GALNT11: variants seen among roughly 807,000 people sequenced by gnomAD.
GALNT11 encodes the protein UDP-GalNAc:polypeptide N-acetylgalactosaminyltransferase 11.
A neutral mutation model predicts 72.7 loss-of-function variants in GALNT11; 47 were observed. The observed-to-expected ratio is 0.65, with a 90% confidence interval of 0.51 to 0.82. The LOEUF is 0.82. Ranked by LOEUF, GALNT11 falls within the 40% of genes least tolerant of loss-of-function variation. GALNT11 has a pLI of 0.00. For missense variants in GALNT11, 677 were observed against 778.4 expected, an observed-to-expected ratio of 0.87 and a Z score of 1.55; for synonymous variants, 270 against 286.6, an observed-to-expected ratio of 0.94 and a Z score of 0.58.
chr7:152,090,810 A>C (rs1002995574), intron 1 of GALNT11, among the ~76,000 whole-genome samples: 4 of 151,916 alleles, frequency 2.6e-5, no homozygotes, highest in Non-Finnish European at 5.9e-5. Flanking sequence ...TTCCTGCTTT[A>C]TTTTCTTTCC....
Position 152,091,040 on chromosome 7 carries a change from TTTG to T in GALNT11, c.-38-3132_-38-3130del, listed in dbSNP as rs956414806. On this transcript the variant is annotated intron_variant, in intron 1 of 11. Transcript: ENST00000430044. ...CAGGGTTGTGGTTGGAGAGGGAGTT[TTTG>T]TTGTTGTTGTTGTTGTTTTTTTCAT... Among the ~76,000 whole-genome samples, 8 of 151,314 alleles carry T rather than the reference TTTG, an allele frequency of 5.3e-5. No individual in the cohort carries two copies. In the South Asian group the frequency reaches 8.4e-4, roughly 16 times the overall value.
rs781234197 is a variant in GALNT11, at chr7:152,113,383, G to C, written c.1218G>C (p.Trp406Cys). Reference sequence around the variant, plus strand: ...ACTCTTTGCGGCTGGCACATGTCTGGTTGGATGAATACAAGGTGAGATGAA... The same window carrying C: ...ACTCTTTGCGGCTGGCACATGTCTGCTTGGATGAATACAAGGTGAGATGAA... ...THNSLRLAHV[W>C]LDEYKEQYFS... Residue 406 changes from tryptophan to cysteine, a missense_variant, in exon 8 of 12, where the codon TGG becomes TGC. By Grantham distance (215) the Trp-to-Cys change is radical. Coordinates refer to ENST00000430044, the MANE Select transcript of GALNT11 (RefSeq NM_022087.4). The C allele has an allele frequency of 6.2e-7, 1 of 1,613,826 alleles. No individual in the cohort carries two copies. The highest frequency in any genetic ancestry group is 8.5e-7 in the Non-Finnish European group (1 of 1,179,908).
intron 1 of GALNT11, among the ~76,000 whole-genome samples, chr7:152,044,333 C>G (rs1010192267): frequency 1.3e-5 from 2 of 152,184 alleles, no homozygotes; most frequent in Non-Finnish European, 2.9e-5. Flanking sequence ...CTCGCTCATG[C>G]TATTGTTTGT....
intron 8 of GALNT11, among the ~76,000 whole-genome samples, chr7:152,114,006 C>G (rs909951078): frequency 2.0e-5 from 3 of 151,668 alleles, no homozygotes; most frequent in Non-Finnish European, 4.4e-5. Flanking sequence ...TCAAAAGATC[C>G]TCCTGCCTTG....
At chr7:152,042,865 A>G (rs1473824999) in intron 1 of GALNT11, among the ~76,000 whole-genome samples, 1 of 152,174 alleles carries the variant, frequency 6.6e-6, no homozygotes, top group African/African-American at 2.4e-5. Flanking sequence ...TAGGGGCTTT[A>G]CCACTCCAAC....
At chr7:152,029,584 A>G (rs995015995) in intron 1 of GALNT11, among the ~76,000 whole-genome samples, 7 of 152,244 alleles carry the variant, frequency 4.6e-5, no homozygotes, top group Admixed American at 2.6e-4. Context: ...TTCAGTCCAT[A>G]TTAACTTAGA....
At position 152,110,593 on chromosome 7, in the gene GALNT11, A is replaced by G; in HGVS notation, c.1028A>G (p.Tyr343Cys). Residue 343 changes from tyrosine (Y) to cysteine (C), a missense_variant, in exon 7 of 12, where the codon TAT becomes TGT. Coordinates refer to ENST00000430044, the MANE Select transcript of GALNT11 (RefSeq NM_022087.4). ...NRQYFHELGQ[Y>C]DSGMDIWGGE... is the part of the protein sequence containing the mutation. ...CAGTATTTCCATGAACTTGGACAGT[A>G]TGATAGTGGCATGGATATCTGGGGA... The G allele has an allele frequency of 6.2e-7, 1 of 1,612,898 alleles. No individual in the cohort carries two copies. The highest frequency in any genetic ancestry group is 1.1e-5 in the South Asian group (1 of 90,464).
At chr7:152,091,276 T>C (rs891816805) in intron 1 of GALNT11, among the ~76,000 whole-genome samples, 2 of 151,788 alleles carry the variant, frequency 1.3e-5, no homozygotes, top group African/African-American at 2.4e-5. Flanking sequence ...AGTCTCGCAT[T>C]GTCACCCCGG....
Position 152,110,564 on chromosome 7 carries a change from C to T in GALNT11, c.999C>T (p.Asn333=), listed in dbSNP as rs140833000. 23 of 1,613,356 alleles carry T rather than the reference C, an allele frequency of 1.4e-5. No individual in the cohort carries two copies. Among genetic ancestry groups the T allele is most frequent in the Admixed American group, 3.3e-5 (2 of 59,866 alleles). ...TGGCTGGAGGTTTGTTTGCCATGAA[C>T]AGACAGTATTTCCATGAACTTGGAC... is the stretch of plus-strand genomic sequence containing the variant. ...PTMAGGLFAM[N]RQYFHELGQY... Residue 333 remains asparagine (N), a synonymous_variant, in exon 7 of 12, where the codon AAC becomes AAT. Transcript: ENST00000430044.
intron 1 of GALNT11, among the ~76,000 whole-genome samples, chr7:152,082,007 ATTTAT>A (rs2085353208): frequency 6.6e-6 from 1 of 152,154 alleles, no homozygotes; most frequent in African/African-American, 2.4e-5. Flanking sequence ...GGACAATGGG[ATTTAT>A]TTTAGCCTTT....
chr7:152,098,642 T>G (rs890630173), intron 2 of GALNT11, among the ~76,000 whole-genome samples: 3 of 152,172 alleles, frequency 2.0e-5, no homozygotes, highest in African/African-American at 7.2e-5. Flanking sequence ...GATTCTTTCA[T>G]GTTCTGATAC....
At chr7:152,057,264 C>A (rs1033868039) in intron 1 of GALNT11, among the ~76,000 whole-genome samples, 1 of 150,688 alleles carries the variant, frequency 6.6e-6, no homozygotes, top group African/African-American at 2.4e-5. Flanking sequence ...ATAGCCCTGC[C>A]CTTCTTGGTT....
intron 1 of GALNT11, among the ~76,000 whole-genome samples, chr7:152,079,845 A>T (rs1410316958): frequency 1.3e-5 from 2 of 152,242 alleles, no homozygotes; most frequent in Non-Finnish European, 2.9e-5. Flanking sequence ...AGCTGAGTTA[A>T]AATATGAGTG....
At chr7:152,117,672 A>C (rs573295554) in intron 9 of GALNT11, 3 of 351,668 alleles carry the variant, frequency 8.5e-6, no homozygotes, top group South Asian at 4.5e-5. Flanking sequence ...GGAAGTGTCA[A>C]CTTCGTGTGT....
chr7:152,099,881 C>T (rs957642750), intron 2 of GALNT11, among the ~76,000 whole-genome samples: 5 of 149,438 alleles, frequency 3.3e-5, no homozygotes, highest in Admixed American at 1.3e-4. Flanking sequence ...CTTCCTGCCT[C>T]AGCCTCCTGA....
chr7:152,084,704 A>G (rs951271779), intron 1 of GALNT11, among the ~76,000 whole-genome samples: 5 of 152,212 alleles, frequency 3.3e-5, no homozygotes, highest in South Asian at 4.1e-4. Context: ...AATGTGAACA[A>G]TGTCCTTTAA....
At chr7:152,051,096 G>C (rs1460675860) in intron 1 of GALNT11, among the ~76,000 whole-genome samples, 1 of 151,968 alleles carries the variant, frequency 6.6e-6, no homozygotes, top group Non-Finnish European at 1.5e-5. Flanking sequence ...TTCTTATGAA[G>C]GTGCTTTGTT....
intron 1 of GALNT11, among the ~76,000 whole-genome samples, chr7:152,029,297 C>T (rs1439870529): frequency 6.6e-6 from 1 of 152,104 alleles, no homozygotes; most frequent in Non-Finnish European, 1.5e-5. Context: ...CTTGAGAAAT[C>T]CTTTGAGAGT....
intron 1 of GALNT11, among the ~76,000 whole-genome samples, chr7:152,076,389 C>A (rs2084979929): frequency 6.6e-6 from 1 of 152,098 alleles, no homozygotes; most frequent in Admixed American, 6.5e-5. Flanking sequence ...GCGAGGTAAT[C>A]CCAGGACACA....
Sources: allele counts gnomAD v4.1 joint callset (sites outside exome capture counted in the v4.1 genomes callset), GRCh38; gene constraint gnomAD v4.1.1; transcripts MANE v1.5; gene names NCBI Gene and HGNC (gene_info 2026-07-23, HGNC 2026-07-21).